Variants in DGKB observed in about 807,000 individuals in gnomAD.
DGKB encodes the protein 90 kDa diacylglycerol kinase.
DGKB carries 67 observed loss-of-function variants against 114.3 expected under a neutral mutation model. The observed-to-expected ratio is 0.59, with a 90% confidence interval of 0.48 to 0.72. The LOEUF (loss-of-function observed/expected upper bound fraction) is 0.72. DGKB is among the 30% of genes least tolerant of loss of function. DGKB has a pLI of 0.00. For missense variants in DGKB, 907 were observed against 975.2 expected (o/e 0.93, Z 0.93); for synonymous variants, 398 against 323.1 (o/e 1.23, Z -2.49).
chr7:14,725,678 C>A (rs1383547386), intron 5 of DGKB, among the ~76,000 whole-genome samples: 2 of 151,942 alleles, frequency 1.3e-5, no homozygotes, highest in Non-Finnish European at 2.9e-5. Flanking sequence ...CTCCAAGAAG[C>A]TGGAATTACA....
At chr7:14,442,200 T>G (rs916502830) in intron 21 of DGKB, among the ~76,000 whole-genome samples, 1 of 152,048 alleles carries the variant, frequency 6.6e-6, no homozygotes, top group African/African-American at 2.4e-5. Context: ...CTGACTGAAT[T>G]TCCTTCATGG....
chr7:14,788,853 T>C (rs1840259901), intron 2 of DGKB, among the ~76,000 whole-genome samples: 1 of 152,162 alleles, frequency 6.6e-6, no homozygotes, highest in African/African-American at 2.4e-5. Context: ...CTGTTGGCCT[T>C]GTGATGCCTA....
In DGKB at chr7:14,567,166, A is replaced by T. The variant is rs28488853; in HGVS notation, c.1770+7046T>A. On this transcript the variant is annotated intron_variant, in intron 20 of 25. Transcript: ENST00000402815. Reference sequence around the variant, plus strand: ...ATATATATAATATACAATTATATTTATATATATTATATATAATTATATATT... The same window carrying T: ...ATATATATAATATACAATTATATTTTTATATATTATATATAATTATATATT... Among the ~76,000 whole-genome samples, 13 of 89,276 alleles carry T rather than the reference A, an allele frequency of 1.5e-4. No homozygotes were observed. The East Asian group carries it at 3.5e-3, about 24-fold the overall frequency. 58.6% of individuals were successfully genotyped at this position (89,276 alleles called of 152,430 possible).
At chr7:14,283,049 A>G (rs1800239849) in intron 23 of DGKB, among the ~76,000 whole-genome samples, 1 of 151,808 alleles carries the variant, frequency 6.6e-6, no homozygotes, top group African/African-American at 2.4e-5. Flanking sequence ...GGGGTATTCA[A>G]TTAGGAAAAG....
At chr7:14,392,007 C>T (rs1428946902) in intron 21 of DGKB, among the ~76,000 whole-genome samples, 4 of 152,108 alleles carry the variant, frequency 2.6e-5, no homozygotes, top group Non-Finnish European at 5.9e-5. Flanking sequence ...TGAAAATTTA[C>T]ATAAGAACTA....
In DGKB at chr7:14,203,982, G is replaced by A. The variant is rs1584431035; in HGVS notation, c.2123-25831C>T. Among the ~76,000 whole-genome samples the A allele has an allele frequency of 2.0e-5, 3 of 151,972 alleles. No individual in the cohort carries two copies. The East Asian group carries it at 5.8e-4, about 30-fold the overall frequency. ...CTCATCCCTATTCTCTCCTCCCCCA[G>A]CGAATTAATTGCAGGATATTTCTTC... On this transcript the variant is annotated intron_variant, in intron 23 of 25. Transcript: ENST00000402815.
chr7:14,300,472 A>G (rs1423863557), intron 23 of DGKB, among the ~76,000 whole-genome samples: 1 of 152,168 alleles, frequency 6.6e-6, no homozygotes, highest in Non-Finnish European at 1.5e-5. Context: ...CACCCAGTGT[A>G]TCACTTACTC....
At chr7:14,683,834 C>T (rs975891231) in intron 10 of DGKB, among the ~76,000 whole-genome samples, 3 of 151,964 alleles carry the variant, frequency 2.0e-5, no homozygotes, top group Non-Finnish European at 4.4e-5. Flanking sequence ...CATGTTTTCT[C>T]TTCTCCTCCG....
chr7:14,749,424 C>A (rs1053694160), intron 4 of DGKB, among the ~76,000 whole-genome samples: 1 of 151,940 alleles, frequency 6.6e-6, no homozygotes, highest in Non-Finnish European at 1.5e-5. Flanking sequence ...TCTACCTTTA[C>A]CTAAGACTAG....
At chr7:14,350,199 C>A (rs1291153300) in intron 21 of DGKB, among the ~76,000 whole-genome samples, 5 of 152,060 alleles carry the variant, frequency 3.3e-5, no homozygotes, top group Non-Finnish European at 7.4e-5. Flanking sequence ...GTAATGTGAA[C>A]TATCAGAGAC....
At chr7:14,760,561 T>A (rs918551651) in intron 2 of DGKB, among the ~76,000 whole-genome samples, 2 of 152,110 alleles carry the variant, frequency 1.3e-5, no homozygotes, top group African/African-American at 4.8e-5. Context: ...CTTTTACTTC[T>A]TTTTATCCAT....
intron 2 of DGKB, among the ~76,000 whole-genome samples, chr7:14,826,309 C>T (rs1236756973): frequency 1.3e-5 from 2 of 152,126 alleles, no homozygotes; most frequent in Non-Finnish European, 2.9e-5. Flanking sequence ...TCAATCAGAA[C>T]TATCTTAAAC....
chr7:14,441,529 T>C (rs944211218), intron 21 of DGKB, among the ~76,000 whole-genome samples: 8 of 152,198 alleles, frequency 5.3e-5, no homozygotes, highest in Non-Finnish European at 1.2e-4. Flanking sequence ...TGATTTTGTC[T>C]TGCTTAAGAC....
intron 23 of DGKB, among the ~76,000 whole-genome samples, chr7:14,203,519 A>G (rs1185110577): frequency 6.6e-6 from 1 of 152,004 alleles, no homozygotes; most frequent in Non-Finnish European, 1.5e-5. Flanking sequence ...CTAGGATATA[A>G]TAACAAAAGC....
chr7:14,693,984 G>C, intron 9 of DGKB, 91 bp downstream of exon 9: 4 of 1,441,458 alleles, frequency 2.8e-6, no homozygotes, highest in Non-Finnish European at 3.7e-6. Flanking sequence ...CTTAATGGTA[G>C]AAAATGGTCA....
intron 21 of DGKB, among the ~76,000 whole-genome samples, chr7:14,387,099 T>TATTG: frequency 7.5e-6 from 1 of 133,510 alleles, no homozygotes; most frequent in Admixed American, 7.3e-5. Context: ...TTCTTTTGAT[T>TATTG]ATTTATTTAT....
At position 14,575,204 on chromosome 7, in the gene DGKB, G is replaced by C. The variant is rs554109126; in HGVS notation, c.1610-832C>G. On this transcript the variant is annotated intron_variant, in intron 19 of 25. Transcript: ENST00000402815. ...AGCACCCTTTCAAAATAATGGCTCA[G>C]ATGCCCCTCTCACAGTCCGCTATAC... Among the ~76,000 whole-genome samples the C allele has an allele frequency of 6.6e-5, 10 of 152,268 alleles. No individual in the cohort carries two copies. In the East Asian group the frequency reaches 1.9e-3, roughly 29 times the overall value.
chr7:14,720,314 T>A (rs1196252889), intron 5 of DGKB, among the ~76,000 whole-genome samples: 1 of 152,022 alleles, frequency 6.6e-6, no homozygotes, highest in Non-Finnish European at 1.5e-5. Context: ...ATTTTTTTTA[T>A]TTTTTTGAGA....
chr7:14,242,615 T>C (rs1334217933), intron 23 of DGKB, among the ~76,000 whole-genome samples: 1 of 152,176 alleles, frequency 6.6e-6, no homozygotes, highest in Non-Finnish European at 1.5e-5. Context: ...TGACGGTTGT[T>C]CATAAATTAT....
Sources: allele counts gnomAD v4.1 joint callset (sites outside exome capture counted in the v4.1 genomes callset), GRCh38; gene constraint gnomAD v4.1.1; transcripts MANE v1.5; gene names NCBI Gene and HGNC (gene_info 2026-07-23, HGNC 2026-07-21).